The following PTBP2 variants were observed in gnomAD, a reference collection of about 807,000 sequenced individuals.
The protein encoded by PTBP2 is polypyrimidine tract binding protein 2.
In PTBP2, 13 loss-of-function variants were observed where a neutral mutation model predicts 61.4. The ratio of observed to expected loss-of-function variants is 0.21; its 90% CI spans 0.14 to 0.34. The LOEUF is 0.34. PTBP2 is among the 10% of genes least tolerant of loss of function. The pLI, the probability that PTBP2 is intolerant of heterozygous loss-of-function variation, is 1.00. For missense variants in PTBP2, 405 were observed against 642.6 expected, an observed-to-expected ratio of 0.63 and a Z score of 4.00; for synonymous variants, 215 against 218.5, an observed-to-expected ratio of 0.98 and a Z score of 0.14.
intron 2 of PTBP2, among the ~76,000 whole-genome samples, chr1:96,744,925 T>C (rs1308754227): frequency 2.0e-5 from 3 of 152,306 alleles, no homozygotes; most frequent in Admixed American, 6.5e-5. Context: ...AGGTTTCTTA[T>C]TGTCATGTTT....
rs1389890511 is a variant in PTBP2 at position 96,729,897 on chromosome 1, T to A, written c.39+6303T>A. ...GATCACAGGCACACACCACCACACC[T>A]GGCTAATTTTTTGTATTTTTAGTAG... On this transcript the variant is annotated intron_variant, in intron 2 of 13. Transcript: ENST00000674951. Among the ~76,000 whole-genome samples the A allele has an allele frequency of 2.0e-5, 3 of 151,942 alleles. No homozygotes were observed. The East Asian group carries it at 5.8e-4, about 29-fold the overall frequency.
At chr1:96,750,535 C>T (rs1420994091) in intron 2 of PTBP2, among the ~76,000 whole-genome samples, 1 of 151,872 alleles carries the variant, frequency 6.6e-6, no homozygotes, top group Non-Finnish European at 1.5e-5. Context: ...TACAAATTAG[C>T]GTAAAGCTTA....
chr1:96,778,826 C>G (rs1658330872), intron 7 of PTBP2, among the ~76,000 whole-genome samples: 1 of 152,030 alleles, frequency 6.6e-6, no homozygotes, highest in East Asian at 1.9e-4. Context: ...CCATTTTTTA[C>G]AATTGTTTCA....
At position 96,813,749 on chromosome 1, in the gene PTBP2, G is replaced by GA. The variant is rs1230410726; in HGVS notation, c.*350dup. The GA allele has an allele frequency of 2.0e-5, 3 of 151,236 alleles. No individual in the cohort carries two copies. The highest frequency in any genetic ancestry group is 4.0e-5 in the Non-Finnish European group (3 of 74,832). The allele number at this position is 151,236 out of a possible 1,614,324, so 9.4% of individuals were successfully genotyped here. A position where few individuals can be genotyped will look rare whatever the true frequency, so the allele number is the denominator to read the frequency against. ...TAGTGTTGCTATTGTGCATTTACTA[G>GA]AAAAAAGGAATTGGTTGTTTAGGGC... On this transcript the variant is annotated 3_prime_UTR_variant, in exon 14 of 14. Coordinates refer to ENST00000674951, the MANE Select transcript of PTBP2 (RefSeq NM_021190.4).
intron 8 of PTBP2, among the ~76,000 whole-genome samples, chr1:96,786,506 A>G (rs769708113): frequency 1.3e-5 from 2 of 152,172 alleles, no homozygotes; most frequent in African/African-American, 2.4e-5. Flanking sequence ...CACAGTGTGC[A>G]GTTTTTAAAG....
chr1:96,724,218 C>T (rs139464668), intron 2 of PTBP2, among the ~76,000 whole-genome samples: 123 of 151,854 alleles, frequency 8.1e-4, no homozygotes, highest in African/African-American at 2.7e-3. Flanking sequence ...TGAGTACTTG[C>T]AACTTTTAAT....
At chr1:96,725,772 T>C (rs1225305408) in intron 2 of PTBP2, among the ~76,000 whole-genome samples, 1 of 152,106 alleles carries the variant, frequency 6.6e-6, no homozygotes, top group Non-Finnish European at 1.5e-5. Flanking sequence ...AAGACACTGA[T>C]GCATGTGCAT....
downstream of PTBP2, chr1:96,819,031 T>C (rs995052564): frequency 6.6e-6 from 1 of 152,058 alleles, no homozygotes; most frequent in Admixed American, 6.6e-5. Flanking sequence ...GTATGATTAG[T>C]GTTAAAAGTC....
At chr1:96,777,458 T>A in intron 5 of PTBP2, 127 bp from the exon 6 acceptor site, 1 of 686,462 alleles carries the variant, frequency 1.5e-6, no homozygotes, top group Non-Finnish European at 2.3e-6. Context: ...AAATATCTGT[T>A]GAGGGGCCAT....
At chr1:96,821,291 G>C (rs1163894757) in exon 14 of PTBP2, 6 of 152,068 alleles carry the variant, frequency 3.9e-5, no homozygotes, top group Admixed American at 3.9e-4. Flanking sequence ...GAATAACACA[G>C]TGTATATATG....
intron 2 of PTBP2, among the ~76,000 whole-genome samples, chr1:96,728,136 A>T (rs1435970357): frequency 6.6e-6 from 1 of 152,112 alleles, no homozygotes; most frequent in East Asian, 1.9e-4. Flanking sequence ...ATAGGCACAC[A>T]GCACCATGCC....
At chr1:96,755,512 TA>T (rs1655052364) in intron 3 of PTBP2, among the ~76,000 whole-genome samples, 1 of 152,188 alleles carries the variant, frequency 6.6e-6, no homozygotes, top group Admixed American at 6.5e-5. Context: ...ATCTATTCAT[TA>T]AAAAACTCTC....
downstream of PTBP2, chr1:96,818,811 T>C (rs772807007): frequency 1.3e-5 from 2 of 152,066 alleles, no homozygotes; most frequent in Non-Finnish European, 2.9e-5. Context: ...ATATCTAGTT[T>C]TAACCAGCTG....
intron 5 of PTBP2, among the ~76,000 whole-genome samples, chr1:96,773,914 G>A (rs892545408): frequency 2.0e-5 from 3 of 147,338 alleles, no homozygotes; most frequent in Non-Finnish European, 4.4e-5. Flanking sequence ...AGTGAGCCGA[G>A]ATCGCGCCAC....
intron 3 of PTBP2, among the ~76,000 whole-genome samples, chr1:96,762,731 T>A (rs1656120231): frequency 6.7e-6 from 1 of 149,684 alleles, no homozygotes; most frequent in African/African-American, 2.5e-5. Context: ...GACCCCCACC[T>A]CCCTCCCAGA....
chr1:96,725,308 T>G (rs1020720055), intron 2 of PTBP2, among the ~76,000 whole-genome samples: 4 of 151,176 alleles, frequency 2.6e-5, no homozygotes, highest in African/African-American at 9.7e-5. Context: ...CCAGTTTTTT[T>G]TTTTTTTTTT....
intron 3 of PTBP2, among the ~76,000 whole-genome samples, chr1:96,760,792 C>T (rs1194865130): frequency 6.6e-6 from 1 of 152,092 alleles, no homozygotes; most frequent in African/African-American, 2.4e-5. Flanking sequence ...ATTTTATGGT[C>T]CATAACTTCT....
intron 3 of PTBP2, among the ~76,000 whole-genome samples, chr1:96,763,310 C>T (rs897008803): frequency 6.6e-6 from 1 of 152,286 alleles, no homozygotes; most frequent in Non-Finnish European, 1.5e-5. Flanking sequence ...GTGAACCAGA[C>T]TCCGTCTGCA....
At chr1:96,755,418 G>A (rs191744964) in intron 3 of PTBP2, among the ~76,000 whole-genome samples, 3 of 152,288 alleles carry the variant, frequency 2.0e-5, no homozygotes, top group Non-Finnish European at 2.9e-5. Flanking sequence ...ATGTAAAATC[G>A]TAGTACTTTG....
Sources: allele counts gnomAD v4.1 joint callset (sites outside exome capture counted in the v4.1 genomes callset), GRCh38; gene constraint gnomAD v4.1.1; transcripts MANE v1.5; gene names NCBI Gene and HGNC (gene_info 2026-07-23, HGNC 2026-07-21).